The following CD36 variants were observed in gnomAD, a reference collection of about 807,000 sequenced individuals.
The protein encoded by CD36 is CD36 molecule (CD36 blood group), also known as platelet glycoprotein 4.
Under a neutral mutation model 55.2 loss-of-function variants are expected in CD36, and 119 were observed. That is an observed-to-expected ratio of 2.15 (90% CI 1.86 to 2.51). CD36 has a LOEUF of 2.51. Ranked by LOEUF, CD36 falls within the 30% of genes most tolerant of loss-of-function variation. The probability of loss-of-function intolerance (pLI) is 0.00; values close to 1 mark genes in which losing one functional copy is unlikely to be tolerated. For synonymous variants in CD36, 186 were observed against 193.6 expected (o/e 0.96, Z 0.33); for missense variants, 819 against 555.5 (o/e 1.47, Z -4.77).
chr7:80,665,715 A>ATGAT lies in CD36; in HGVS notation c.702-726_702-723dup, dbSNP rs1797017437. ...GATTTAACTCATGGCAAGACTGAAC[A>ATGAT]TGATTAACCACTTATTTTGTTTAAG... On this transcript the variant is annotated intron_variant, in intron 7 of 14. Transcript: ENST00000447544. Among the ~76,000 whole-genome samples, 2 of 152,100 alleles carry ATGAT rather than the reference A, an allele frequency of 1.3e-5. 1 individual carries two copies. Among genetic ancestry groups the ATGAT allele is most frequent in the South Asian group, 4.1e-4 (2 of 4,836 alleles).
rs993674738 is a variant in CD36 at position 80,632,195 on chromosome 7, T to C, written c.-183-13893T>C. On this transcript the variant is annotated intron_variant, in intron 1 of 13. Coordinates refer to the CD36 transcript ENST00000309881. ...TTATTAGCAGAAGCTGCTGTGCCAC[T>C]CAAGTGCAGGGTTTGTGCCAAATAA... Among the ~76,000 whole-genome samples the C allele has an allele frequency of 2.0e-5, 3 of 151,470 alleles. No individual in the cohort carries two copies. In the East Asian group the frequency reaches 5.9e-4, roughly 30 times the overall value.
In CD36 at chr7:80,669,949, A is replaced by G. The variant is rs1797488937; in HGVS notation, c.749-4A>G. The G allele has an allele frequency of 6.2e-7, 1 of 1,609,066 alleles. No individual in the cohort carries two copies. The highest frequency in any genetic ancestry group is 8.5e-7 in the Non-Finnish European group (1 of 1,175,516). On this transcript the variant is annotated splice_region_variant and splice_polypyrimidine_tract_variant and intron_variant, in intron 8 of 14. Transcript: ENST00000447544. ...TAATCATTTGCCACTCGATTTTTAAACAGATGCAGCCTCATTTCCACCTTT... is the reference window on the plus strand; with the variant it reads ...TAATCATTTGCCACTCGATTTTTAAGCAGATGCAGCCTCATTTCCACCTTT...
chr7:80,639,328 T>C (rs1794654860), intron 1 of CD36, among the ~76,000 whole-genome samples: 1 of 152,026 alleles, frequency 6.6e-6, no homozygotes, highest in South Asian at 2.1e-4. Flanking sequence ...TGAACAAAGA[T>C]ATTGTCATTG....
chr7:80,673,704 A>T, intron 13 of CD36: 1 of 559,400 alleles, frequency 1.8e-6, no homozygotes, highest in Non-Finnish European at 3.2e-6. Flanking sequence ...TAGCTATAAA[A>T]ATAGGAAAAA....
chr7:80,608,309 A>T (rs1307645206), intron 1 of CD36, among the ~76,000 whole-genome samples: 1 of 152,232 alleles, frequency 6.6e-6, no homozygotes, highest in East Asian at 1.9e-4. Flanking sequence ...TTTAATGAGA[A>T]GTAAATTACT....
At chr7:80,639,668 T>A (rs138292941) in intron 1 of CD36, among the ~76,000 whole-genome samples, 2 of 152,188 alleles carry the variant, frequency 1.3e-5, no homozygotes, top group East Asian at 3.9e-4. Context: ...TTAGTCTTTT[T>A]CTGTGTGGTT....
rs781603007 is a variant in CD36, at chr7:80,662,949, ATATTG to A, written c.430-36_430-32del. ...TAATCCATTTATTTGTTAAAATCTAATATTGTATTCTTGTCTTAAACAGTGACTTT... is the reference window on the plus strand; with the variant it reads ...TAATCCATTTATTTGTTAAAATCTAATATTCTTGTCTTAAACAGTGACTTT... On this transcript the variant is annotated intron_variant, in intron 5 of 14. Coordinates refer to ENST00000447544, the MANE Select transcript of CD36 (RefSeq NM_001001548.3). 1.2e-5 allele frequency: 18 copies of A among 1,464,208 alleles called. No homozygotes were observed. The African/African-American group carries it at 2.5e-4, about 20-fold the overall frequency. The allele number at this position is 1,464,208 out of a possible 1,614,324, so 90.7% of individuals were successfully genotyped here.
intron 1 of CD36, among the ~76,000 whole-genome samples, chr7:80,613,788 T>C (rs576538394): frequency 2.3e-4 from 35 of 152,232 alleles, no homozygotes; most frequent in Admixed American, 2.1e-3. Flanking sequence ...GATAACTGAG[T>C]TGATTCCTTG....
chr7:80,672,954 C>A, intron 12 of CD36, 111 bp downstream of exon 12: 1 of 747,562 alleles, frequency 1.3e-6, no homozygotes, highest in Non-Finnish European at 2.4e-6. Context: ...CTGATATCAA[C>A]TTATCTTTAG....
chr7:80,619,400 T>G (rs1054743815), intron 1 of CD36, among the ~76,000 whole-genome samples: 1 of 152,102 alleles, frequency 6.6e-6, no homozygotes, highest in Non-Finnish European at 1.5e-5. Flanking sequence ...CAAGACTTAT[T>G]ACTTAAGAAA....
chr7:80,664,615 T>G, intron 7 of CD36, 118 bp downstream of exon 7: 1 of 724,788 alleles, frequency 1.4e-6, no homozygotes, highest in Non-Finnish European at 2.6e-6. Context: ...CTGGTTATAA[T>G]TCAGCTCTGG....
At chr7:80,656,050 G>C (rs1796030592) in intron 3 of CD36, among the ~76,000 whole-genome samples, 1 of 152,020 alleles carries the variant, frequency 6.6e-6, no homozygotes, top group Non-Finnish European at 1.5e-5. Flanking sequence ...TGAGTGTTAA[G>C]TACCATCCTC....
intron 1 of CD36, among the ~76,000 whole-genome samples, chr7:80,631,686 T>A (rs1794080650): frequency 6.6e-6 from 1 of 151,838 alleles, no homozygotes; most frequent in Non-Finnish European, 1.5e-5. Flanking sequence ...AGAATAGTAG[T>A]CTGCCACTTT....
chr7:80,669,897 G>GT (rs757190076), intron 8 of CD36, 56 bp from the exon 9 acceptor site: 28 of 1,232,098 alleles, frequency 2.3e-5, no homozygotes, highest in Non-Finnish European at 3.2e-5. Flanking sequence ...AGATTTCTAG[G>GT]TTTTTTTCTA....
chr7:80,623,950 C>A (rs1445878656), intron 1 of CD36: 2 of 152,230 alleles, frequency 1.3e-5, no homozygotes, highest in Non-Finnish European at 1.5e-5. Flanking sequence ...TTAACAAACA[C>A]TGGCTGCAAG....
At chr7:80,617,111 A>C (rs1022571648) in intron 1 of CD36, among the ~76,000 whole-genome samples, 1 of 152,218 alleles carries the variant, frequency 6.6e-6, no homozygotes, top group African/African-American at 2.4e-5. Context: ...GATGAGGTGG[A>C]AAGAGTGGAA....
intron 7 of CD36, 130 bp from the exon 8 acceptor site, chr7:80,666,313 C>A: frequency 1.4e-6 from 1 of 699,884 alleles, no homozygotes; most frequent in Middle Eastern, 3.9e-4. Context: ...TTGAACATTT[C>A]TTAAACTTAG....
chr7:80,674,882 C>T (rs1798096506), intron 14 of CD36, among the ~76,000 whole-genome samples: 1 of 151,984 alleles, frequency 6.6e-6, no homozygotes, highest in Admixed American at 6.6e-5. Flanking sequence ...TACTGTGTGC[C>T]AGTACCATGC....
chr7:80,620,419 G>A (rs984052307), intron 1 of CD36, among the ~76,000 whole-genome samples: 3 of 152,118 alleles, frequency 2.0e-5, no homozygotes, highest in African/African-American at 7.2e-5. Flanking sequence ...AGAAGTCAGG[G>A]AAATGCTTAT....
Sources: gnomAD v4.1 joint callset for allele counts (sites outside exome capture counted in the v4.1 genomes callset) on GRCh38, gnomAD v4.1.1 for gene constraint, MANE v1.5 for transcripts, NCBI Gene and HGNC (gene_info 2026-07-23, HGNC 2026-07-21) for gene names.